Variants in FGF1 observed in about 807,000 individuals in gnomAD.
The protein encoded by FGF1 is fibroblast growth factor 1.
Under a neutral mutation model 13.4 loss-of-function variants are expected in FGF1, and 9 were observed. That is an observed-to-expected ratio of 0.67 (90% confidence interval 0.40 to 1.17). The LOEUF (loss-of-function observed/expected upper bound fraction) is 1.17. FGF1 is among the 50% of genes most tolerant of loss of function. The pLI, the probability that FGF1 is intolerant of heterozygous loss-of-function variation, is 0.01. For missense variants in FGF1, 156 were observed against 192.7 expected, an observed-to-expected ratio of 0.81 and a Z score of 1.13; for synonymous variants, 93 against 79.0, an observed-to-expected ratio of 1.18 and a Z score of -0.94.
At chr5:142,675,034 G>A (rs1772249996) in intron 1 of FGF1, among the ~76,000 whole-genome samples, 1 of 152,154 alleles carries the variant, frequency 6.6e-6, no homozygotes, top group Non-Finnish European at 1.5e-5. Flanking sequence ...GGCTTGGCTT[G>A]GTTCAGGGGC....
chr5:142,608,555 T>A (rs1383531170), intron 2 of FGF1, among the ~76,000 whole-genome samples: 1 of 75,988 alleles, frequency 1.3e-5, no homozygotes, highest in African/African-American at 8.0e-5. Flanking sequence ...TATATATATA[T>A]ATATATATAT....
intron 3 of FGF1, among the ~76,000 whole-genome samples, chr5:142,599,433 C>T (rs1305058512): frequency 6.6e-6 from 1 of 152,134 alleles, no homozygotes; most frequent in Non-Finnish European, 1.5e-5. Flanking sequence ...TTTCTGTGCC[C>T]TCTGTCACTT....
intron 1 of FGF1, among the ~76,000 whole-genome samples, chr5:142,662,299 C>T (rs1769406084): frequency 1.3e-5 from 2 of 152,208 alleles, no homozygotes; most frequent in Admixed American, 6.5e-5. Context: ...AATGTTCTCA[C>T]CTCGTTCACT....
chr5:142,658,499 A>G (rs1768578769), intron 1 of FGF1, among the ~76,000 whole-genome samples: 1 of 152,190 alleles, frequency 6.6e-6, no homozygotes, highest in African/African-American at 2.4e-5. Context: ...TCATTCAATC[A>G]ACAAACTAAG....
chr5:142,653,531 G>A (rs73284545), intron 1 of FGF1, among the ~76,000 whole-genome samples: 8,874 of 152,132 alleles, frequency 0.058, 371 homozygotes, highest in Middle Eastern at 0.15. Flanking sequence ...CCTGGGATAC[G>A]TCACGTGCCT....
chr5:142,595,555 G>A (rs1755085333), intron 3 of FGF1, 71 bp from the exon 4 acceptor site: 3 of 1,347,670 alleles, frequency 2.2e-6, no homozygotes, highest in Non-Finnish European at 2.1e-6. Flanking sequence ...CCATTTACTA[G>A]CTGTGTGACA....
chr5:142,675,166 C>T (rs1185345532), intron 1 of FGF1, among the ~76,000 whole-genome samples: 1 of 152,172 alleles, frequency 6.6e-6, no homozygotes, highest in African/African-American at 2.4e-5. Flanking sequence ...TGTATTAAAC[C>T]CTCAGACCTC....
chr5:142,592,695 T>C lies in FGF1; in HGVS notation c.*2595A>G. The C allele has an allele frequency of 2.7e-6, 1 of 370,462 alleles. No individual in the cohort carries two copies. The highest frequency in any genetic ancestry group is 4.8e-6 in the Non-Finnish European group (1 of 208,500). The allele number at this position is 370,462 out of a possible 1,614,324, so 22.9% of individuals were successfully genotyped here. On this transcript the variant is annotated 3_prime_UTR_variant, in exon 4 of 4. Coordinates refer to ENST00000337706, the MANE Select transcript of FGF1 (RefSeq NM_000800.5). Reference sequence around the variant, plus strand: ...CTTCTAAGAAGATCTGACAGGCTCTTTGGCTGATTTGAAAGCAGTCCCCCT... The same window carrying C: ...CTTCTAAGAAGATCTGACAGGCTCTCTGGCTGATTTGAAAGCAGTCCCCCT...
intron 1 of FGF1, among the ~76,000 whole-genome samples, chr5:142,672,784 T>C (rs866060560): frequency 6.6e-6 from 1 of 152,154 alleles, no homozygotes; most frequent in South Asian, 2.1e-4. Flanking sequence ...GGATTACAGA[T>C]GTGAGCCACC....
At chr5:142,604,197 C>T (rs1297906901) in intron 2 of FGF1, among the ~76,000 whole-genome samples, 1 of 152,102 alleles carries the variant, frequency 6.6e-6, no homozygotes, top group African/African-American at 2.4e-5. Flanking sequence ...TTGCACAACT[C>T]TGTTAAGTTG....
intron 1 of FGF1, among the ~76,000 whole-genome samples, chr5:142,618,921 G>GTTTTTTTTTTTTTTTTTTTTTTTTTTT (rs1343286807): frequency 1.8e-5 from 2 of 108,358 alleles, no homozygotes; most frequent in African/African-American, 3.3e-5. Flanking sequence ...TTATTTTTTA[G>GTTTTTTTTTTTTTTTTTTTTTTTTTTT]TTGTTTTGTT....
chr5:142,617,322 G>A (rs1457633723), intron 1 of FGF1, among the ~76,000 whole-genome samples: 2 of 151,948 alleles, frequency 1.3e-5, no homozygotes, highest in Non-Finnish European at 2.9e-5. Flanking sequence ...CCAAGATTGC[G>A]CCGTTGCACC....
chr5:142,599,538 A>T (rs1313671734), intron 3 of FGF1, among the ~76,000 whole-genome samples: 1 of 152,188 alleles, frequency 6.6e-6, no homozygotes, highest in Non-Finnish European at 1.5e-5. Flanking sequence ...AGGGGTGTGG[A>T]TTGGGCTAGG....
At chr5:142,647,760 G>A (rs1474327434) in intron 1 of FGF1, among the ~76,000 whole-genome samples, 1 of 152,150 alleles carries the variant, frequency 6.6e-6, no homozygotes, top group African/African-American at 2.4e-5. Flanking sequence ...TATTCCACAT[G>A]TGGCATCATG....
intron 2 of FGF1, among the ~76,000 whole-genome samples, chr5:142,601,457 G>A (rs780679817): frequency 3.9e-5 from 6 of 152,186 alleles, no homozygotes; most frequent in East Asian, 1.9e-4. Context: ...CAACCCACCT[G>A]GGGTAGAGGC....
intron 1 of FGF1, among the ~76,000 whole-genome samples, chr5:142,655,479 A>T (rs867010341): frequency 2.6e-5 from 4 of 152,308 alleles, no homozygotes; most frequent in Middle Eastern, 3.4e-3. Context: ...TACTTTGCTC[A>T]CAGGCATTGG....
chr5:142,639,055 C>G (rs918332622), intron 1 of FGF1, among the ~76,000 whole-genome samples: 3 of 151,870 alleles, frequency 2.0e-5, no homozygotes, highest in African/African-American at 7.3e-5. Flanking sequence ...AAGGGAAACC[C>G]TAATACACTA....
chr5:142,684,487 A>T (rs1372470304), intron 1 of FGF1, among the ~76,000 whole-genome samples: 3 of 152,240 alleles, frequency 2.0e-5, no homozygotes, highest in African/African-American at 4.8e-5. Flanking sequence ...ATTCACACTA[A>T]CAAAGGCAGG....
At chr5:142,597,104 A>G (rs984232000) in intron 3 of FGF1, among the ~76,000 whole-genome samples, 2 of 152,240 alleles carry the variant, frequency 1.3e-5, no homozygotes, top group Non-Finnish European at 2.9e-5. Context: ...ATAAAAAACC[A>G]TTTGCAAGAC....
Sources: gnomAD v4.1 joint callset for allele counts (sites outside exome capture counted in the v4.1 genomes callset) on GRCh38, gnomAD v4.1.1 for gene constraint, MANE v1.5 for transcripts, NCBI Gene and HGNC (gene_info 2026-07-23, HGNC 2026-07-21) for gene names.